Variants in MBD5 observed in about 807,000 individuals in gnomAD.
The protein encoded by MBD5 is methyl-CpG binding domain protein 5.
In MBD5, 13 loss-of-function variants were observed where a neutral mutation model predicts 117.3. The observed-to-expected ratio is 0.11, with a 90% CI of 0.07 to 0.18. The LOEUF (loss-of-function observed/expected upper bound fraction) is 0.18, where lower values mean the gene tolerates loss of function less well. Ranked by LOEUF, MBD5 falls within the 10% of genes least tolerant of loss-of-function variation. The probability of loss-of-function intolerance (pLI) is 1.00; values close to 1 mark genes in which losing one functional copy is unlikely to be tolerated. For synonymous variants in MBD5, 727 were observed against 766.4 expected (o/e 0.95, Z 0.85); for missense variants, 1,879 against 2,093.8 (o/e 0.90, Z 2.00).
At chr2:148,165,413 A>G (rs190889774) in intron 1 of MBD5, among the ~76,000 whole-genome samples, 49 of 152,202 alleles carry the variant, frequency 3.2e-4, no homozygotes, top group African/African-American at 1.2e-3. Context: ...AACCCAATAT[A>G]GAAGCATATA....
intron 1 of MBD5, among the ~76,000 whole-genome samples, chr2:148,094,951 G>A (rs953535153): frequency 1.3e-5 from 2 of 152,098 alleles, no homozygotes; most frequent in Admixed American, 1.3e-4. Flanking sequence ...CAAAGCTAGT[G>A]TTTTTTCTAT....
chr2:148,374,371 A>G (rs1003122057), intron 4 of MBD5, among the ~76,000 whole-genome samples: 6 of 152,158 alleles, frequency 3.9e-5, no homozygotes, highest in Non-Finnish European at 5.9e-5. Context: ...CTCAATTACC[A>G]TATTGTGTCT....
In MBD5 at chr2:148,296,518, A is replaced by G. The variant is rs547058973; in HGVS notation, c.-679-45696A>G. On this transcript the variant is annotated intron_variant, in intron 3 of 13. Coordinates refer to ENST00000642680, the MANE Select transcript of MBD5 (RefSeq NM_001378120.1). ...AAGAACTGAATTCCCAAAATTGCACATATTTCCCAAATTGACTAACCCAAA... is the reference window on the plus strand; with the variant it reads ...AAGAACTGAATTCCCAAAATTGCACGTATTTCCCAAATTGACTAACCCAAA... 4 of 159,130 alleles carry G rather than the reference A, an allele frequency of 2.5e-5. No individual in the cohort carries two copies. In the South Asian group the frequency reaches 5.4e-4, roughly 21 times the overall value. The allele number at this position is 159,130 out of a possible 1,614,324, so 9.9% of individuals were successfully genotyped here.
At chr2:148,223,519 C>A (rs1699744920) in intron 2 of MBD5, among the ~76,000 whole-genome samples, 1 of 152,038 alleles carries the variant, frequency 6.6e-6, no homozygotes, top group South Asian at 2.1e-4. Context: ...TTGTCCATTT[C>A]TTCTAGATTT....
At chr2:148,123,652 C>T (rs1489056128) in intron 1 of MBD5, among the ~76,000 whole-genome samples, 2 of 152,138 alleles carry the variant, frequency 1.3e-5, no homozygotes, top group Non-Finnish European at 2.9e-5. Flanking sequence ...GGAAATTTAC[C>T]TCTAATATTC....
Position 148,463,799 on chromosome 2 carries a change from G to A in MBD5, c.277G>A (p.Asp93Asn). ...KQRTAEDVKADEDVTKLCIHK... is the reference protein window; with the variant it reads ...KQRTAEDVKANEDVTKLCIHK... ...GAGAACCGCAGAAGATGTTAAGGCA[G>A]ATGAAGATGTCACAAAGCTATGCAT... Residue 93 changes from aspartate (D) to asparagine (N), a missense_variant, in exon 7 of 14, where the codon GAT becomes AAT. Physicochemically the swap from Asp to Asn is conservative, Grantham distance 23. Transcript: ENST00000642680. 6.2e-7 allele frequency: 1 copy of A among 1,613,844 alleles called. No individual in the cohort carries two copies. The highest frequency in any genetic ancestry group is 8.5e-7 in the Non-Finnish European group (1 of 1,179,798).
At chr2:148,231,163 GT>G (rs1312688235) in intron 2 of MBD5, among the ~76,000 whole-genome samples, 2 of 149,030 alleles carry the variant, frequency 1.3e-5, no homozygotes, top group Admixed American at 6.7e-5. Flanking sequence ...TGCCTTTCCA[GT>G]TTATTTTGGG....
intron 3 of MBD5, among the ~76,000 whole-genome samples, chr2:148,251,700 G>T (rs1427795806): frequency 1.3e-5 from 2 of 152,028 alleles, no homozygotes; most frequent in Non-Finnish European, 2.9e-5. Flanking sequence ...TGCGTATTTA[G>T]TTAAATGTTA....
chr2:148,405,300 T>C (rs1490683159), intron 4 of MBD5, among the ~76,000 whole-genome samples: 1 of 152,224 alleles, frequency 6.6e-6, no homozygotes. Context: ...ATAACATGCT[T>C]TTCAAGGTGA....
In MBD5 at chr2:148,483,202, G is replaced by C. The variant is rs1681218804; in HGVS notation, c.2611G>C (p.Val871Leu). 6.2e-7 allele frequency: 1 copy of C among 1,613,720 alleles called. No individual in the cohort carries two copies. Among genetic ancestry groups the C allele is most frequent in the African/African-American group, 1.3e-5 (1 of 74,904 alleles). ...TTSVLQDGVI[V>L]TTAAGNPLQS... ...ATCTGTTCTTCAAGATGGCGTCATA[G>C]TCACCACTGCAGCTGGAAACCCACT... Residue 871 changes from valine (V) to leucine (L), a missense_variant, in exon 9 of 14, where the codon GTC (valine) becomes CTC (leucine). Coordinates refer to ENST00000642680, the MANE Select transcript of MBD5 (RefSeq NM_001378120.1).
chr2:148,301,223 A>C (rs903874683), intron 3 of MBD5, among the ~76,000 whole-genome samples: 3 of 152,238 alleles, frequency 2.0e-5, no homozygotes, highest in African/African-American at 7.2e-5. Context: ...GCAGAAAAGC[A>C]TAGCAGTAGC....
chr2:148,346,892 A>G (rs532762405), intron 4 of MBD5: 45 of 152,034 alleles, frequency 3.0e-4, no homozygotes, highest in Non-Finnish European at 5.4e-4. Flanking sequence ...TTTAAAAAAA[A>G]ACTATTATAG....
chr2:148,480,956 C>T (rs1395269092), intron 8 of MBD5, among the ~76,000 whole-genome samples: 1 of 152,068 alleles, frequency 6.6e-6, no homozygotes, highest in Non-Finnish European at 1.5e-5. Flanking sequence ...GTTGGATGTG[C>T]AGATTTGTAC....
At chr2:148,219,084 A>G (rs985979364) in intron 2 of MBD5, among the ~76,000 whole-genome samples, 1 of 152,214 alleles carries the variant, frequency 6.6e-6, no homozygotes, top group East Asian at 1.9e-4. Flanking sequence ...ACAAAGCACA[A>G]TCATGTACAG....
intron 1 of MBD5, among the ~76,000 whole-genome samples, chr2:148,127,459 C>T (rs1018993456): frequency 2.0e-5 from 3 of 152,112 alleles, no homozygotes; most frequent in Non-Finnish European, 4.4e-5. Context: ...TCATTCATCT[C>T]CCATTTATAA....
chr2:148,337,456 A>G (rs1702827375), intron 3 of MBD5, among the ~76,000 whole-genome samples: 1 of 152,206 alleles, frequency 6.6e-6, no homozygotes, highest in Non-Finnish European at 1.5e-5. Flanking sequence ...AACATCTTAC[A>G]CGAAGAAAGC....
intron 1 of MBD5, among the ~76,000 whole-genome samples, chr2:148,117,337 AT>A (rs997574987): frequency 2.0e-5 from 3 of 151,804 alleles, no homozygotes; most frequent in African/African-American, 7.3e-5. Flanking sequence ...AAAAAAAAAA[AT>A]GGAGTTTCCT....
intron 1 of MBD5, among the ~76,000 whole-genome samples, chr2:148,091,147 A>G (rs1695929809): frequency 6.6e-6 from 1 of 152,130 alleles, no homozygotes; most frequent in Admixed American, 6.5e-5. Flanking sequence ...CACTGCTGAA[A>G]TGAATCGTCA....
intron 4 of MBD5, among the ~76,000 whole-genome samples, chr2:148,446,035 C>G (rs1475796923): frequency 6.6e-6 from 1 of 150,786 alleles, no homozygotes; most frequent in East Asian, 1.9e-4. Context: ...GATATTAGCC[C>G]TTTGTCAGAT....
Sources: gnomAD v4.1 joint callset for allele counts (sites outside exome capture counted in the v4.1 genomes callset) on GRCh38, gnomAD v4.1.1 for gene constraint, MANE v1.5 for transcripts, NCBI Gene and HGNC (gene_info 2026-07-23, HGNC 2026-07-21) for gene names.